Variants in KALRN observed in about 807,000 individuals in gnomAD.
The protein encoded by KALRN is kalirin.
In KALRN, 70 loss-of-function variants were observed where a neutral mutation model predicts 353.7. The observed-to-expected ratio is 0.20, with a 90% confidence interval of 0.16 to 0.24. KALRN has a LOEUF of 0.24. Among genes scored for constraint, KALRN ranks in the 10% least tolerant of loss-of-function variants. The probability of loss-of-function intolerance (pLI) is 1.00; values close to 1 mark genes in which losing one functional copy is unlikely to be tolerated. For synonymous variants in KALRN, 1,391 were observed against 1,434.8 expected (o/e 0.97, Z 0.69); for missense variants, 2,791 against 3,756.7 (o/e 0.74, Z 6.72).
intron 37 of KALRN, among the ~76,000 whole-genome samples, chr3:124,643,634 G>T (rs375926100): frequency 6.6e-6 from 1 of 152,050 alleles, no homozygotes; most frequent in Non-Finnish European, 1.5e-5. Context: ...GGCATGTGTC[G>T]CCATGCCTGG....
At chr3:124,657,679 A>G in intron 40 of KALRN, 55 bp from the exon 41 acceptor site, 1 of 1,434,536 alleles carries the variant, frequency 7.0e-7, no homozygotes, top group Admixed American at 1.7e-5. Flanking sequence ...TTATTGAGAA[A>G]TAATACAGTT....
At chr3:124,426,813 T>G (rs1036614624) in intron 15 of KALRN, among the ~76,000 whole-genome samples, 9 of 152,180 alleles carry the variant, frequency 5.9e-5, no homozygotes, top group Admixed American at 4.6e-4. Flanking sequence ...GAAGATGACC[T>G]CACATCTATT....
chr3:124,592,251 G>A (rs1404954086), intron 34 of KALRN, among the ~76,000 whole-genome samples: 5 of 148,694 alleles, frequency 3.4e-5, no homozygotes, highest in Admixed American at 2.7e-4. Flanking sequence ...GCAGTGAGCC[G>A]AGATAGAGCC....
intron 34 of KALRN, among the ~76,000 whole-genome samples, chr3:124,609,885 GAGGTAGAACTGGAACTCAAATCCCA>G (rs1561414907): frequency 6.6e-6 from 1 of 152,196 alleles, no homozygotes; most frequent in African/African-American, 2.4e-5. Flanking sequence ...GAAAGGTAAA[GAGGTAGAACTGGAACTCAAATCCCA>G]AGGTCACCTC....
chr3:124,100,789 G>T (rs539046519), intron 1 of KALRN, among the ~76,000 whole-genome samples: 1 of 152,162 alleles, frequency 6.6e-6, no homozygotes, highest in Non-Finnish European at 1.5e-5. Flanking sequence ...CTTAGAAAGC[G>T]TAATGTCCAG....
intron 1 of KALRN, among the ~76,000 whole-genome samples, chr3:124,165,362 C>A (rs1347573630): frequency 6.6e-6 from 1 of 151,854 alleles, no homozygotes; most frequent in Non-Finnish European, 1.5e-5. Flanking sequence ...TCTGCCCTCC[C>A]ACCCTCAGAT....
chr3:124,446,641 C>A lies in KALRN; in HGVS notation c.3430-122C>A. 3 of 1,244,704 alleles carry A rather than the reference C, an allele frequency of 2.4e-6. No individual in the cohort carries two copies. In the South Asian group the frequency reaches 4.3e-5, roughly 18 times the overall value. 77.1% of individuals were successfully genotyped at this position (1,244,704 alleles called of 1,614,324 possible). A position where few individuals can be genotyped will look rare whatever the true frequency, so the allele number is the denominator to read the frequency against. On this transcript the variant is annotated intron_variant, in intron 20 of 59. Coordinates refer to ENST00000682506, the MANE Select transcript of KALRN (RefSeq NM_001388419.1). The stretch of plus-strand genomic sequence containing the variant: ...AAAAACTCCAGAGCTACATACCAAT[C>A]AAATTGTCAGTGTTTCCTGGGTCCA...
intron 31 of KALRN, 123 bp from the exon 32 acceptor site, chr3:124,492,617 T>G: frequency 9.5e-7 from 1 of 1,052,188 alleles, no homozygotes; most frequent in Non-Finnish European, 1.4e-6. Flanking sequence ...AAATGAGAAA[T>G]AAACTCCCCA....
intron 14 of KALRN, among the ~76,000 whole-genome samples, chr3:124,420,376 A>G (rs3772750): frequency 0.043 from 6,484 of 152,346 alleles, 302 homozygotes; most frequent in East Asian, 0.19. Context: ...ATGAGCTACA[A>G]CAAATCCGCA....
intron 1 of KALRN, among the ~76,000 whole-genome samples, chr3:124,045,749 TGG>T (rs10576725): frequency 0.68 from 97,651 of 143,628 alleles, 34,446 homozygotes; most frequent in Non-Finnish European, 0.8. Context: ...AACAGCCTAA[TGG>T]GGGGGGGGGG....
chr3:124,186,576 C>T lies in KALRN; in HGVS notation c.74-41414C>T, dbSNP rs112963610. ...TATATACTACTGAATCCATGCAGTG[C>T]CCAACCAGAACCTGTCCTAAGCAGG... On this transcript the variant is annotated intron_variant, in intron 1 of 59. Transcript: ENST00000682506. Among the ~76,000 whole-genome samples the T allele has an allele frequency of 2.1e-3, 313 of 152,250 alleles. 1 individual carries two copies. The highest frequency in any genetic ancestry group is 7.2e-3 in the African/African-American group (301 of 41,532).
chr3:124,689,726 A>T (rs899916248), intron 51 of KALRN, among the ~76,000 whole-genome samples: 2 of 152,252 alleles, frequency 1.3e-5, no homozygotes, highest in Non-Finnish European at 2.9e-5. Context: ...AATTTCATTC[A>T]ACAAATATTT....
intron 7 of KALRN, 43 bp from the exon 8 acceptor site, chr3:124,329,818 C>T: frequency 1.3e-6 from 2 of 1,597,240 alleles, no homozygotes; most frequent in South Asian, 2.3e-5. Context: ...CAACTCCTCA[C>T]CCCCAGTGCT....
intron 1 of KALRN, among the ~76,000 whole-genome samples, chr3:124,215,155 CAGG>C (rs2150546264): frequency 6.6e-6 from 1 of 152,290 alleles, no homozygotes; most frequent in Admixed American, 6.5e-5. Context: ...CCCCTGGCCA[CAGG>C]AGGAGGGACA....
chr3:124,391,544 T>G (rs2089382299), intron 11 of KALRN, among the ~76,000 whole-genome samples: 1 of 152,122 alleles, frequency 6.6e-6, no homozygotes, highest in African/African-American at 2.4e-5. Context: ...TCTCTCTAAT[T>G]TGGACTCTTT....
chr3:124,341,888 A>G (rs1002729444), intron 9 of KALRN, among the ~76,000 whole-genome samples: 1 of 152,180 alleles, frequency 6.6e-6, no homozygotes, highest in Non-Finnish European at 1.5e-5. Flanking sequence ...AAGGATAAGT[A>G]GGAGGTAGCC....
intron 33 of KALRN, among the ~76,000 whole-genome samples, chr3:124,520,761 A>G (rs1329081285): frequency 1.3e-5 from 2 of 152,206 alleles, no homozygotes; most frequent in Non-Finnish European, 2.9e-5. Flanking sequence ...GAACCAGTCA[A>G]GGAGGTTTCC....
intron 5 of KALRN, among the ~76,000 whole-genome samples, chr3:124,296,982 TG>T (rs528451084): frequency 1.9e-4 from 29 of 152,354 alleles, no homozygotes; most frequent in Non-Finnish European, 3.7e-4. Flanking sequence ...TATCAGTAGA[TG>T]TTTTTTTGAG....
intron 34 of KALRN, among the ~76,000 whole-genome samples, chr3:124,605,857 C>T (rs943456960): frequency 3.3e-5 from 5 of 152,156 alleles, no homozygotes; most frequent in African/African-American, 1.2e-4. Flanking sequence ...CGGAGTAGCA[C>T]TTGGATCTGC....
Sources: allele counts gnomAD v4.1 joint callset (sites outside exome capture counted in the v4.1 genomes callset), GRCh38; gene constraint gnomAD v4.1.1; transcripts MANE v1.5; gene names NCBI Gene and HGNC (gene_info 2026-07-23, HGNC 2026-07-21).